The following CAPN7 variants were observed in gnomAD, a reference collection of about 807,000 sequenced individuals.
CAPN7 encodes the protein calpain-7.
A neutral mutation model predicts 115.2 loss-of-function variants in CAPN7; 72 were observed. That is an observed-to-expected ratio of 0.63 (90% CI 0.52 to 0.76). The LOEUF (loss-of-function observed/expected upper bound fraction) is 0.76. CAPN7 is among the 30% of genes least tolerant of loss of function. The pLI, the probability that CAPN7 is intolerant of heterozygous loss-of-function variation, is 0.00. For synonymous variants in CAPN7, 344 were observed against 322.3 expected, an observed-to-expected ratio of 1.07 and a Z score of -0.72; for missense variants, 905 against 971.5, an observed-to-expected ratio of 0.93 and a Z score of 0.91.
chr3:15,238,849 A>ATT lies in CAPN7; in HGVS notation c.1408-1601_1408-1600dup, dbSNP rs59838740. Among the ~76,000 whole-genome samples the ATT allele has an allele frequency of 3.0e-3, 345 of 113,982 alleles. 5 individuals carry two copies. Among genetic ancestry groups the ATT allele is most frequent in the Middle Eastern group, 0.027 (5 of 188 alleles). The allele number at this position is 113,982 out of a possible 152,430, so 74.8% of individuals were successfully genotyped here. A position where few individuals can be genotyped will look rare whatever the true frequency, so the allele number is the denominator to read the frequency against. ...AAATTGGATGCTTCAGCAAAATCAA[A>ATT]TTTTTTTTTTTTTTTTTTTTTTTTG... On this transcript the variant is annotated intron_variant, in intron 12 of 20. Coordinates refer to ENST00000253693, the MANE Select transcript of CAPN7 (RefSeq NM_014296.3).
chr3:15,220,207 A>T (rs1014550906), intron 4 of CAPN7, among the ~76,000 whole-genome samples: 1 of 152,178 alleles, frequency 6.6e-6, no homozygotes, highest in Non-Finnish European at 1.5e-5. Flanking sequence ...CTCAAAAAAA[A>T]AAATAAAAAA....
chr3:15,210,764 G>C, intron 1 of CAPN7: 1 of 1,287,802 alleles, frequency 7.8e-7, no homozygotes, highest in Non-Finnish European at 1.0e-6. Flanking sequence ...TCACCATGTT[G>C]CCCAGGCTGA....
intron 20 of CAPN7, 27 bp from the exon 21 acceptor site, chr3:15,251,089 C>T: frequency 1.2e-6 from 2 of 1,600,238 alleles, no homozygotes; most frequent in South Asian, 2.2e-5. Context: ...CTTCTATAAA[C>T]CTTATTCTCA....
chr3:15,223,349 A>G, intron 5 of CAPN7, 126 bp from the exon 6 acceptor site: 1 of 648,210 alleles, frequency 1.5e-6, no homozygotes, highest in Non-Finnish European at 2.7e-6. Flanking sequence ...ATATATCAAC[A>G]ACATGAGGTT....
At chr3:15,243,790 T>C (rs1398646613) in intron 16 of CAPN7, among the ~76,000 whole-genome samples, 8 of 126,694 alleles carry the variant, frequency 6.3e-5, no homozygotes, top group African/African-American at 2.4e-4. Context: ...CTACTTGAAG[T>C]GGGGGGAGGG....
chr3:15,229,634 G>C (rs1694565910), intron 8 of CAPN7, among the ~76,000 whole-genome samples: 1 of 128,706 alleles, frequency 7.8e-6, no homozygotes, highest in African/African-American at 3.1e-5. Context: ...GGAGTGCAAT[G>C]GCGTGATCTC....
intron 5 of CAPN7, 83 bp downstream of exon 5, chr3:15,221,064 G>A: frequency 9.3e-7 from 1 of 1,079,476 alleles, no homozygotes; most frequent in Non-Finnish European, 1.4e-6. Context: ...TTGCTGAATT[G>A]TATTCAGATT....
At chr3:15,234,339 A>T (rs1694866238) in intron 11 of CAPN7, among the ~76,000 whole-genome samples, 1 of 152,174 alleles carries the variant, frequency 6.6e-6, no homozygotes, top group Admixed American at 6.5e-5. Flanking sequence ...ATAAAAATTT[A>T]AAAAATAAAA....
At chr3:15,232,047 C>T (rs967611233) in intron 9 of CAPN7, 9 of 286,454 alleles carry the variant, frequency 3.1e-5, no homozygotes, top group East Asian at 1.2e-4. Context: ...ATCCCTTATC[C>T]GAAATACTTG....
At chr3:15,209,199 C>T (rs936692006) in intron 1 of CAPN7, among the ~76,000 whole-genome samples, 8 of 151,866 alleles carry the variant, frequency 5.3e-5, no homozygotes, top group Admixed American at 3.3e-4. Flanking sequence ...TAGTAGAGAC[C>T]GGGTTTCTCC....
intron 7 of CAPN7, among the ~76,000 whole-genome samples, chr3:15,228,581 C>T (rs1694472302): frequency 6.6e-6 from 1 of 152,066 alleles, no homozygotes; most frequent in African/African-American, 2.4e-5. Flanking sequence ...GAGCTGGAGG[C>T]CATTATCCTT....
chr3:15,246,735 T>C lies in CAPN7; in HGVS notation c.2014T>C (p.Tyr672His). The change falls in exon 18 of 21, where the codon TAT (tyrosine) becomes CAT (histidine). Residue 672 changes from tyrosine (Y) to histidine (H), a missense_variant. Around this residue, in one of 3 missense-constraint regions of CAPN7, gnomAD observed 620 missense variants for 703.4 expected, o/e 0.88. Coordinates refer to ENST00000253693, the MANE Select transcript of CAPN7 (RefSeq NM_014296.3). The part of the protein sequence containing the change: ...QNTIHYTVRV[Y>H]SACSFTFSKI... ...TACAGTCTTTTTTTAAATCTAGGTA[T>C]ATTCAGCATGCAGCTTTACTTTTTC... 2 of 1,596,828 alleles carry C rather than the reference T, an allele frequency of 1.3e-6. No homozygotes were observed. Among genetic ancestry groups the C allele is most frequent in the Non-Finnish European group, 1.7e-6 (2 of 1,165,638 alleles).
At chr3:15,218,587 T>G in intron 4 of CAPN7, 47 bp downstream of exon 4, 1 of 1,321,980 alleles carries the variant, frequency 7.6e-7, no homozygotes. Flanking sequence ...CACTTAGTGT[T>G]ATTTAAACAA....
chr3:15,250,865 A>G (rs926011008), intron 19 of CAPN7, 66 bp from the exon 20 acceptor site: 5 of 1,153,872 alleles, frequency 4.3e-6, no homozygotes, highest in Non-Finnish European at 6.4e-6. Context: ...ACTTCAGATA[A>G]AGTTATTTTA....
At position 15,223,465 on chromosome 3, in the gene CAPN7, T is replaced by G. The variant is rs779421617; in HGVS notation, c.639-10T>G. 127 of 1,562,310 alleles carry G rather than the reference T, an allele frequency of 8.1e-5. No individual in the cohort carries two copies. The highest frequency in any genetic ancestry group is 1.1e-4 in the Non-Finnish European group (124 of 1,134,530). Reference sequence around the variant, plus strand: ...CTTGAACATTTAGGTTTTTTTCTCGTGTTTGATAGGACAACATCAAAAATA... The same window carrying G: ...CTTGAACATTTAGGTTTTTTTCTCGGGTTTGATAGGACAACATCAAAAATA... On this transcript the variant is annotated splice_polypyrimidine_tract_variant and intron_variant, in intron 5 of 20. Coordinates refer to ENST00000253693, the MANE Select transcript of CAPN7 (RefSeq NM_014296.3).
At chr3:15,234,699 GATAA>G (rs1199212781) in intron 11 of CAPN7, among the ~76,000 whole-genome samples, 1 of 152,078 alleles carries the variant, frequency 6.6e-6, no homozygotes. Flanking sequence ...TCAGTGATTT[GATAA>G]ATAAAATGAT....
At chr3:15,223,080 A>T (rs1222294891) in intron 5 of CAPN7, among the ~76,000 whole-genome samples, 1 of 152,230 alleles carries the variant, frequency 6.6e-6, no homozygotes, top group Non-Finnish European at 1.5e-5. Context: ...TCATGTCCTC[A>T]TAACCAGAAA....
chr3:15,238,180 C>G (rs1695114345), intron 12 of CAPN7, among the ~76,000 whole-genome samples: 1 of 125,798 alleles, frequency 7.9e-6, no homozygotes, highest in South Asian at 2.7e-4. Context: ...GTGGCGCGGT[C>G]TCAGCTCATT....
chr3:15,207,995 C>A (rs1339454027), intron 1 of CAPN7, among the ~76,000 whole-genome samples: 1 of 151,940 alleles, frequency 6.6e-6, no homozygotes, highest in Non-Finnish European at 1.5e-5. Flanking sequence ...CCACTGGCAC[C>A]CCAGTAGGTT....
Sources: allele counts gnomAD v4.1 joint callset (sites outside exome capture counted in the v4.1 genomes callset), GRCh38; gene constraint gnomAD v4.1.1; regional missense constraint gnomAD v4.1.1; transcripts MANE v1.5; gene names NCBI Gene and HGNC (gene_info 2026-07-23, HGNC 2026-07-21).